GPR137C: variants seen among roughly 807,000 people sequenced by gnomAD.
GPR137C encodes the protein G protein-coupled receptor 137C.
A neutral mutation model predicts 43.4 loss-of-function variants in GPR137C; 27 were observed. The observed-to-expected ratio is 0.62, with a 90% CI of 0.46 to 0.86. The LOEUF is 0.86. Ranked by LOEUF, GPR137C falls within the 40% of genes least tolerant of loss-of-function variation. The probability of loss-of-function intolerance (pLI) is 0.00; values close to 1 mark genes in which losing one functional copy is unlikely to be tolerated. For missense variants in GPR137C, 522 were observed against 534.6 expected (o/e 0.98, Z 0.23); for synonymous variants, 285 against 226.9 (o/e 1.26, Z -2.30).
chr14:52,607,038 T>G (rs2139541333), intron 3 of GPR137C, among the ~76,000 whole-genome samples: 1 of 152,362 alleles, frequency 6.6e-6, no homozygotes, highest in South Asian at 2.1e-4. Flanking sequence ...AACTTATTCG[T>G]TGAGCCATTG....
chr14:52,567,128 ACT>A (rs1291908304), intron 1 of GPR137C, among the ~76,000 whole-genome samples: 1 of 151,664 alleles, frequency 6.6e-6, no homozygotes, highest in African/African-American at 2.4e-5. Context: ...AAAGAAAAGA[ACT>A]CTGGATATGG....
At chr14:52,576,367 A>G (rs1375555557) in intron 1 of GPR137C, among the ~76,000 whole-genome samples, 1 of 152,212 alleles carries the variant, frequency 6.6e-6, no homozygotes, top group Non-Finnish European at 1.5e-5. Flanking sequence ...CTAATCATCC[A>G]TTGATAGACA....
chr14:52,573,635 G>C (rs1042793862), intron 1 of GPR137C, among the ~76,000 whole-genome samples: 1 of 152,076 alleles, frequency 6.6e-6, no homozygotes, highest in African/African-American at 2.4e-5. Flanking sequence ...AGAAAACCTA[G>C]GCAATACCAT....
At chr14:52,619,731 C>G (rs1438357730) in intron 3 of GPR137C, among the ~76,000 whole-genome samples, 3 of 152,040 alleles carry the variant, frequency 2.0e-5, no homozygotes, top group African/African-American at 7.2e-5. Context: ...GCCATCCACT[C>G]CATAATGTCA....
At chr14:52,605,146 T>A (rs1335173716) in intron 3 of GPR137C, among the ~76,000 whole-genome samples, 2 of 152,184 alleles carry the variant, frequency 1.3e-5, no homozygotes, top group African/African-American at 2.4e-5. Context: ...TCACTTTGGG[T>A]AGTATAGAAA....
chr14:52,553,869 G>T (rs1320829707), intron 1 of GPR137C, among the ~76,000 whole-genome samples: 1 of 152,162 alleles, frequency 6.6e-6, no homozygotes, highest in Non-Finnish European at 1.5e-5. Context: ...CCCTTTGTTC[G>T]GTGTTCTGGC....
At position 52,592,505 on chromosome 14, in the gene GPR137C, A is replaced by G. The variant is rs963618723; in HGVS notation, c.445-5767A>G. On this transcript the variant is annotated intron_variant, in intron 1 of 6. Coordinates refer to ENST00000321662, the MANE Select transcript of GPR137C (RefSeq NM_001099652.2). ...ATTTGTTTGTGTCCTCTTTTATTTC[A>G]TTGAGCAGTGGTTTGTAGTTCTCCT... Among the ~76,000 whole-genome samples, 4 of 152,004 alleles carry G rather than the reference A, an allele frequency of 2.6e-5. No homozygotes were observed. In the South Asian group the frequency reaches 6.2e-4, roughly 24 times the overall value.
At chr14:52,610,169 C>A (rs983825738) in intron 3 of GPR137C, among the ~76,000 whole-genome samples, 3 of 152,194 alleles carry the variant, frequency 2.0e-5, no homozygotes, top group East Asian at 3.8e-4. Context: ...CTGTCACCCT[C>A]TTTTGTTATC....
Position 52,553,155 on chromosome 14 carries a change from T to C in GPR137C, c.8T>C (p.Val3Ala). 1.7e-6 allele frequency: 2 copies of C among 1,168,222 alleles called. No individual in the cohort carries two copies. The highest frequency in any genetic ancestry group is 2.1e-6 in the Non-Finnish European group (2 of 949,758). The allele number at this position is 1,168,222 out of a possible 1,614,324, so 72.4% of individuals were successfully genotyped here. ...CCGGCCCCCAGCCCCCTCATGAGGG[T>C]GTCCGTGCCGGGTCCGGCGGCCGCT... Reference protein sequence around the residue: MRVSVPGPAAAAA... With the variant: MRASVPGPAAAAA... Residue 3 changes from valine to alanine, a missense_variant, in exon 1 of 7, where the codon GTG becomes GCG. Physicochemically the swap from Val to Ala is moderately conservative, Grantham distance 64 (BLOSUM62 0). Transcript: ENST00000321662.
rs1192976003 is a variant in GPR137C, at chr14:52,635,214, A to C, written c.*99A>C. ...CATAAACATTCCATTATCTGTTGCA[A>C]CTGAAAACAAAATCTGGAAGTGTGG... On this transcript the variant is annotated 3_prime_UTR_variant, in exon 7 of 7. Transcript: ENST00000321662. The C allele has an allele frequency of 2.0e-6, 2 of 981,940 alleles. No homozygotes were observed. The highest frequency in any genetic ancestry group is 2.9e-6 in the Non-Finnish European group (2 of 696,520). 60.8% of individuals were successfully genotyped at this position (981,940 alleles called of 1,614,324 possible).
intron 3 of GPR137C, among the ~76,000 whole-genome samples, chr14:52,618,653 A>G (rs1028924414): frequency 2.0e-5 from 3 of 152,156 alleles, no homozygotes; most frequent in Non-Finnish European, 4.4e-5. Context: ...TATGCTTTTT[A>G]TCAGAATTAT....
intron 1 of GPR137C, among the ~76,000 whole-genome samples, chr14:52,564,794 A>G (rs2038341518): frequency 6.6e-6 from 1 of 152,200 alleles, no homozygotes; most frequent in South Asian, 2.1e-4. Flanking sequence ...TTAGGTGTTC[A>G]GTAAATATTG....
At chr14:52,602,266 A>G (rs919326933) in intron 3 of GPR137C, among the ~76,000 whole-genome samples, 5 of 151,800 alleles carry the variant, frequency 3.3e-5, no homozygotes, top group Admixed American at 6.6e-5. Context: ...TCAATCAACA[A>G]GTGTTTATTG....
rs1175698611 is a variant in GPR137C, at chr14:52,565,433, G to A, written c.444+11842G>A. On this transcript the variant is annotated intron_variant, in intron 1 of 6. Coordinates refer to ENST00000321662, the MANE Select transcript of GPR137C (RefSeq NM_001099652.2). ...AATTTATACCTTATGGAAAAATTAC[G>A]GTGTTCTAAGTCTGACCAAATGTGT... 5.3e-5 allele frequency among the ~76,000 whole-genome samples: 8 copies of A among 152,000 alleles called. No homozygotes were observed. In the East Asian group the frequency reaches 9.7e-4, roughly 18 times the overall value.
chr14:52,577,183 C>CAAAAAAAAAAA (rs34249999), intron 1 of GPR137C, among the ~76,000 whole-genome samples: 22 of 41,174 alleles, frequency 5.3e-4, no homozygotes, highest in African/African-American at 2.2e-3. Flanking sequence ...TAAGACTCCT[C>CAAAAAAAAAAA]AAAAAAAAAA....
intron 1 of GPR137C, among the ~76,000 whole-genome samples, chr14:52,557,389 T>C (rs958104861): frequency 1.6e-4 from 25 of 152,330 alleles, no homozygotes; most frequent in African/African-American, 5.8e-4. Context: ...AAACTTTTTA[T>C]ATCATGGCAA....
chr14:52,623,223 C>G (rs1229304920), intron 3 of GPR137C, among the ~76,000 whole-genome samples: 2 of 151,522 alleles, frequency 1.3e-5, no homozygotes, highest in African/African-American at 4.8e-5. Flanking sequence ...TGTTTGTAGA[C>G]AAAACATTAA....
At chr14:52,621,472 G>A (rs2139568431) in intron 3 of GPR137C, among the ~76,000 whole-genome samples, 1 of 151,832 alleles carries the variant, frequency 6.6e-6, no homozygotes, top group African/African-American at 2.4e-5. Context: ...TCTTCAAGAA[G>A]GAATGAAGAA....
intron 6 of GPR137C, 72 bp from the exon 7 acceptor site, chr14:52,634,866 C>A (rs2039334445): frequency 2.3e-6 from 3 of 1,318,066 alleles, no homozygotes; most frequent in East Asian, 2.5e-5. Context: ...ATTGAAAATG[C>A]TAAAAATTCA....
Sources: gnomAD v4.1 joint callset for allele counts (sites outside exome capture counted in the v4.1 genomes callset) on GRCh38, gnomAD v4.1.1 for gene constraint, MANE v1.5 for transcripts, NCBI Gene and HGNC (gene_info 2026-07-23, HGNC 2026-07-21) for gene names.